SNX7: variants seen among roughly 807,000 people sequenced by gnomAD.
The protein encoded by SNX7 is sorting nexin-7.
A neutral mutation model predicts 48.4 loss-of-function variants in SNX7; 35 were observed. The ratio of observed to expected loss-of-function variants is 0.72; its 90% CI spans 0.55 to 0.96. SNX7 has a LOEUF of 0.96. Ranked by LOEUF, SNX7 falls within the 40% of genes least tolerant of loss-of-function variation. SNX7 has a pLI of 0.00. For missense variants in SNX7, 553 were observed against 548.9 expected (o/e 1.01, Z -0.07); for synonymous variants, 190 against 190.2 (o/e 1.00, Z 0.01).
chr1:98,721,489 C>G (rs1014139397), intron 7 of SNX7, among the ~76,000 whole-genome samples: 4 of 152,062 alleles, frequency 2.6e-5, no homozygotes, highest in Admixed American at 6.6e-5. Context: ...GTTTGCATCA[C>G]AAGCTATAGA....
At chr1:98,665,648 G>A (rs1649495893) in intron 1 of SNX7, among the ~76,000 whole-genome samples, 1 of 152,102 alleles carries the variant, frequency 6.6e-6, no homozygotes, top group Non-Finnish European at 1.5e-5. Flanking sequence ...GAGTGCAGTG[G>A]CACAATCTTG....
chr1:98,661,761 G>C lies in SNX7; in HGVS notation c.30G>C (p.Ala10=). The C allele has an allele frequency of 8.1e-7, 1 of 1,239,142 alleles. No homozygotes were observed. Among genetic ancestry groups the C allele is most frequent in the Non-Finnish European group, 1.0e-6 (1 of 985,418 alleles). The allele number at this position is 1,239,142 out of a possible 1,614,324, so 76.8% of individuals were successfully genotyped here. A position where few individuals can be genotyped will look rare whatever the true frequency, so the allele number is the denominator to read the frequency against. The change falls in exon 1 of 9, where the codon GCG becomes GCC. Residue 10 remains alanine, a synonymous_variant. Coordinates refer to ENST00000306121, the MANE Select transcript of SNX7 (RefSeq NM_015976.5). ...AGGGCGAGCGCCGGGCATCGCAGGC[G>C]CCCTCCTCGGGCCTCCCGGCCGGGG... MEGERRASQ[A]PSSGLPAGGA... is the part of the protein sequence containing the mutation.
chr1:98,698,714 GATGAA>G lies in SNX7; in HGVS notation c.854_858del (p.Met285ArgfsTer18). The stretch of plus-strand genomic sequence containing the variant: ...TCTTTTTTTTTTTTTAGAATATTTT[GATGAA>G]ATGAAAGAATATGGCCCAATTCATA... On this transcript the variant is annotated frameshift_variant, in exon 6 of 9. Transcript: ENST00000306121. LOFTEE classifies it high-confidence loss of function. 6.4e-7 allele frequency: 1 copy of G among 1,569,818 alleles called. No individual in the cohort carries two copies. Among genetic ancestry groups the G allele is most frequent in the Non-Finnish European group, 8.7e-7 (1 of 1,151,902 alleles).
intron 6 of SNX7, 142 bp from the exon 7 acceptor site, chr1:98,701,675 A>G (rs1651756869): frequency 6.0e-6 from 3 of 502,308 alleles, no homozygotes; most frequent in East Asian, 3.4e-5. Flanking sequence ...AAAAAAAACA[A>G]CTTTTTAAAT....
At chr1:98,698,034 G>A (rs1427641962) in intron 5 of SNX7, among the ~76,000 whole-genome samples, 1 of 152,102 alleles carries the variant, frequency 6.6e-6, no homozygotes, top group Non-Finnish European at 1.5e-5. Flanking sequence ...AGACGGTGAG[G>A]ACTAATTTAA....
rs774383872 is a variant in SNX7 at position 98,691,176 on chromosome 1, G to T, written c.465G>T (p.Leu155=). The T allele has an allele frequency of 6.3e-7, 1 of 1,596,302 alleles. No individual in the cohort carries two copies. Among genetic ancestry groups the T allele is most frequent in the African/African-American group, 1.4e-5 (1 of 73,912 alleles). The change falls in exon 3 of 9, where the codon CTG becomes CTT. Residue 155 remains leucine, a synonymous_variant. Transcript: ENST00000306121. Reference sequence around the variant, plus strand: ...AACTGGAAGAAGCACACCCCACTCTGATTATTCCAGTAAGTTTGCAAAATT... The same window carrying T: ...AACTGGAAGAAGCACACCCCACTCTTATTATTCCAGTAAGTTTGCAAAATT... ...KGKLEEAHPT[L]IIPPLPEKFI...
Position 98,701,808 on chromosome 1 carries a change from AATGT to A in SNX7, c.1039-7_1039-4del. ...ACAGCCTATTTTATCTGTGTGTTTT[AATGT>A]AAAGGGTGTTATGAAAAGAAGAGAC... On this transcript the variant is annotated splice_polypyrimidine_tract_variant and splice_region_variant and intron_variant, in intron 6 of 8. Coordinates refer to ENST00000306121, the MANE Select transcript of SNX7 (RefSeq NM_015976.5). The A allele has an allele frequency of 6.3e-7, 1 of 1,592,344 alleles. No individual in the cohort carries two copies. The highest frequency in any genetic ancestry group is 2.3e-5 in the East Asian group (1 of 44,358).
intron 7 of SNX7, among the ~76,000 whole-genome samples, chr1:98,728,271 A>C (rs902319102): frequency 1.3e-5 from 2 of 152,186 alleles, no homozygotes; most frequent in African/African-American, 4.8e-5. Flanking sequence ...CCAGAATCTC[A>C]TATCTGGCCA....
At chr1:98,723,410 T>A (rs977350178) in intron 7 of SNX7, among the ~76,000 whole-genome samples, 2 of 152,138 alleles carry the variant, frequency 1.3e-5, no homozygotes, top group Admixed American at 6.5e-5. Flanking sequence ...AGTACCTTAT[T>A]TTTTTGGCTT....
intron 7 of SNX7, among the ~76,000 whole-genome samples, chr1:98,735,815 C>T (rs12760466): frequency 0.37 from 56,811 of 152,010 alleles, 10,857 homozygotes; most frequent in African/African-American, 0.43. Flanking sequence ...TACCCAATGT[C>T]ACATAACTTG....
intron 1 of SNX7, among the ~76,000 whole-genome samples, chr1:98,664,064 A>G (rs9728651): frequency 0.031 from 4,655 of 152,278 alleles, 209 homozygotes; most frequent in East Asian, 0.092. Flanking sequence ...CTGCTCCTCT[A>G]TAAAACAAAC....
chr1:98,670,815 A>G (rs942133965), intron 1 of SNX7, among the ~76,000 whole-genome samples: 3 of 152,214 alleles, frequency 2.0e-5, no homozygotes, highest in African/African-American at 4.8e-5. Flanking sequence ...AGAAAAAAAA[A>G]TTATGAGGAC....
At chr1:98,714,659 C>G (rs1172302540) in intron 7 of SNX7, among the ~76,000 whole-genome samples, 2 of 151,992 alleles carry the variant, frequency 1.3e-5, no homozygotes, top group East Asian at 3.9e-4. Context: ...AATTCTGGAG[C>G]ACCAGTGTTG....
At position 98,738,293 on chromosome 1, in the gene SNX7, G is replaced by A; in HGVS notation, c.1182G>A (p.Leu394=). Residue 394 remains leucine (L), a synonymous_variant, in exon 8 of 9, where the codon CTG becomes CTA. Coordinates refer to ENST00000306121, the MANE Select transcript of SNX7 (RefSeq NM_015976.5). ...EDKVECANNA[L]KADWERWKQN... The stretch of plus-strand genomic sequence containing the variant: ...AAGTGGAATGTGCTAATAATGCCCT[G>A]AAAGCAGATTGGGAGAGATGGAAAC... 6.2e-7 allele frequency: 1 copy of A among 1,613,584 alleles called. No homozygotes were observed. Among genetic ancestry groups the A allele is most frequent in the Non-Finnish European group, 8.5e-7 (1 of 1,179,756 alleles).
intron 5 of SNX7, among the ~76,000 whole-genome samples, chr1:98,696,338 A>G (rs947363263): frequency 3.3e-5 from 5 of 152,134 alleles, no homozygotes; most frequent in African/African-American, 1.2e-4. Context: ...ATGAGGAACT[A>G]CATAAAGACA....
chr1:98,751,832 T>C (rs141191560), intron 8 of SNX7, among the ~76,000 whole-genome samples: 93 of 152,206 alleles, frequency 6.1e-4, no homozygotes, highest in African/African-American at 2.2e-3. Context: ...AAACAGTATG[T>C]ATGGAAAATG....
At chr1:98,725,239 A>G (rs1382816113) in intron 7 of SNX7, among the ~76,000 whole-genome samples, 1 of 152,182 alleles carries the variant, frequency 6.6e-6, no homozygotes, top group Non-Finnish European at 1.5e-5. Context: ...AAATTATTCC[A>G]TGTTTATTCA....
chr1:98,754,201 C>T (rs866823821), intron 8 of SNX7, among the ~76,000 whole-genome samples: 10 of 151,960 alleles, frequency 6.6e-5, no homozygotes, highest in Non-Finnish European at 1.0e-4. Context: ...GTCTTGCCTT[C>T]GTGGGATAAA....
chr1:98,714,507 G>C (rs1570559175), intron 7 of SNX7, among the ~76,000 whole-genome samples: 1 of 151,928 alleles, frequency 6.6e-6, no homozygotes, highest in Non-Finnish European at 1.5e-5. Flanking sequence ...TTTAGACTGT[G>C]ATTAGTGCTA....
Sources: allele counts gnomAD v4.1 joint callset (sites outside exome capture counted in the v4.1 genomes callset), GRCh38; gene constraint gnomAD v4.1.1; transcripts MANE v1.5; gene names NCBI Gene and HGNC (gene_info 2026-07-23, HGNC 2026-07-21).